TRMT11: variants seen among roughly 807,000 people sequenced by gnomAD.
TRMT11 encodes tRNA methyltransferase 11.
Under a neutral mutation model 62.8 loss-of-function variants are expected in TRMT11, and 53 were observed. The ratio of observed to expected loss-of-function variants is 0.84; its 90% CI spans 0.68 to 1.06. TRMT11 has a LOEUF of 1.06. Ranked by LOEUF, TRMT11 falls within the 50% of genes least tolerant of loss-of-function variation. TRMT11 has a pLI of 0.00. For missense variants in TRMT11, 556 were observed against 553.4 expected, an observed-to-expected ratio of 1.00 and a Z score of -0.05; for synonymous variants, 188 against 190.3, an observed-to-expected ratio of 0.99 and a Z score of 0.10.
At chr6:126,175,747 T>G (rs1403384838), upstream of TRMT11, among the ~76,000 whole-genome samples, 1 of 152,206 alleles carries the variant, frequency 6.6e-6, no homozygotes, top group Non-Finnish European at 1.5e-5. Context: ...CTTTATTCAG[T>G]TTAGTACTCT....
chr6:126,215,554 C>T, the TRMT11 span, among the ~76,000 whole-genome samples: 3 of 151,784 alleles, frequency 2.0e-5, no homozygotes, highest in Non-Finnish European at 4.4e-5. Context: ...TTTTTCCATA[C>T]CTTTATTGTC....
rs527772629 is a variant in TRMT11 at position 125,994,275 on chromosome 6, T to C, written c.138+453T>C. Among the ~76,000 whole-genome samples the C allele has an allele frequency of 1.3e-5, 2 of 152,246 alleles. 1 individual carries two copies. Among genetic ancestry groups the C allele is most frequent in the South Asian group, 4.1e-4 (2 of 4,826 alleles). On this transcript the variant is annotated intron_variant, in intron 2 of 12. Coordinates refer to ENST00000334379, the MANE Select transcript of TRMT11 (RefSeq NM_001031712.3). Reference sequence around the variant, plus strand: ...AGAAAAAATAATTTGCAGTTCCTTCTTGACGTGACTTATAATTTGGGGATG... The same window carrying C: ...AGAAAAAATAATTTGCAGTTCCTTCCTGACGTGACTTATAATTTGGGGATG...
intron 21 of TRMT11, among the ~76,000 whole-genome samples, chr6:126,151,970 C>CTTTCTTCCT (rs1562335037): frequency 5.8e-5 from 1 of 17,172 alleles, no homozygotes; most frequent in African/African-American, 2.3e-4. Flanking sequence ...TCTTTCTTTC[C>CTTTCTTCCT]TCTCTCTCTC....
chr6:126,261,767 A>AG, the TRMT11 span, among the ~76,000 whole-genome samples: 6 of 152,034 alleles, frequency 3.9e-5, no homozygotes, highest in African/African-American at 1.2e-4. Context: ...GTGTTGGTGT[A>AG]GTTTTGCTGT....
intron 5 of TRMT11, 102 bp downstream of exon 5, chr6:125,998,417 C>A (rs1253550053): frequency 2.4e-6 from 3 of 1,262,244 alleles, no homozygotes; most frequent in South Asian, 2.8e-5. Flanking sequence ...TATTTTGTAC[C>A]ACATTTTGTG....
intron 21 of TRMT11, among the ~76,000 whole-genome samples, chr6:126,150,517 CT>C (rs1236930864): frequency 6.6e-6 from 1 of 152,144 alleles, no homozygotes; most frequent in East Asian, 1.9e-4. Context: ...TCATTACTGG[CT>C]TTGTGGTGCC....
chr6:126,191,858 A>T (rs1301915856), intron 1 of TRMT11, among the ~76,000 whole-genome samples: 1 of 152,030 alleles, frequency 6.6e-6, no homozygotes, highest in Non-Finnish European at 1.5e-5. Context: ...TTTGTAATAT[A>T]ATTTGAAAAC....
intron 3 of TRMT11, among the ~76,000 whole-genome samples, chr6:126,201,495 C>T (rs1778734301): frequency 6.6e-6 from 1 of 152,176 alleles, no homozygotes; most frequent in Non-Finnish European, 1.5e-5. Context: ...ACAGATGTCC[C>T]TCCTGTGGAT....
At chr6:126,083,459 C>T (rs185553920) in intron 17 of TRMT11, among the ~76,000 whole-genome samples, 105 of 152,166 alleles carry the variant, frequency 6.9e-4, no homozygotes, top group African/African-American at 2.4e-3. Context: ...TTTCAGCAAA[C>T]TTTCATTATT....
intron 6 of TRMT11, 21 bp downstream of exon 6, chr6:125,998,705 C>T: frequency 1.9e-6 from 3 of 1,603,338 alleles, no homozygotes; most frequent in South Asian, 1.1e-5. Context: ...TTTCTTTCTA[C>T]CTATGTCAGT....
chr6:126,019,314 T>C (rs1795462403), intron 11 of TRMT11, among the ~76,000 whole-genome samples: 1 of 152,230 alleles, frequency 6.6e-6, no homozygotes, highest in Non-Finnish European at 1.5e-5. Context: ...AAAGATAATA[T>C]GAAACATGCA....
At chr6:126,256,582 C>G in the TRMT11 span, among the ~76,000 whole-genome samples, 1 of 152,148 alleles carries the variant, frequency 6.6e-6, no homozygotes, top group Non-Finnish European at 1.5e-5. Flanking sequence ...TTATTTGCAT[C>G]TCAAATCCAC....
intron 2 of TRMT11, among the ~76,000 whole-genome samples, chr6:125,995,418 A>C (rs553992383): frequency 2.0e-5 from 3 of 152,262 alleles, no homozygotes; most frequent in Admixed American, 6.5e-5. Flanking sequence ...GGATTGGGAA[A>C]ACACCCCTGA....
chr6:126,196,530 A>T (rs1778668187), intron 1 of TRMT11, among the ~76,000 whole-genome samples: 1 of 151,944 alleles, frequency 6.6e-6, no homozygotes, highest in African/African-American at 2.4e-5. Flanking sequence ...AGTTTGACTA[A>T]TTCTTTAATA....
chr6:126,245,315 T>C, the TRMT11 span, among the ~76,000 whole-genome samples: 1 of 152,248 alleles, frequency 6.6e-6, no homozygotes, highest in Non-Finnish European at 1.5e-5. Flanking sequence ...TTTATGCATA[T>C]ACATATGCAT....
chr6:126,226,466 C>A, the TRMT11 span, among the ~76,000 whole-genome samples: 15 of 152,028 alleles, frequency 9.9e-5, no homozygotes, highest in Non-Finnish European at 1.8e-4. Context: ...ATATTATCTG[C>A]TCACAATCTT....
At chr6:126,196,099 C>CT (rs1183624565) in intron 1 of TRMT11, among the ~76,000 whole-genome samples, 2 of 152,130 alleles carry the variant, frequency 1.3e-5, no homozygotes, top group Admixed American at 6.5e-5. Context: ...AGATAAAATA[C>CT]TTTGTTATTT....
the TRMT11 span, among the ~76,000 whole-genome samples, chr6:126,236,163 A>G: frequency 2.0e-5 from 3 of 152,214 alleles, no homozygotes; most frequent in South Asian, 2.1e-4. Context: ...TAAGTATTTG[A>G]CATTGTATAG....
Position 126,133,475 on chromosome 6 carries a change from C to T in TRMT11, c.*1823+17620C>T, listed in dbSNP as rs148083543. On this transcript the variant is annotated intron_variant and NMD_transcript_variant, in intron 21 of 22. Transcript: ENST00000648977. ...CAGTCTTTTCATGGAATTATGCCTGCTATGCCCATAAAAGTTCCTTCTGCT... is the reference window on the plus strand; with the variant it reads ...CAGTCTTTTCATGGAATTATGCCTGTTATGCCCATAAAAGTTCCTTCTGCT... 3.3e-4 allele frequency among the ~76,000 whole-genome samples: 50 copies of T among 152,104 alleles called. 1 individual carries two copies. The highest frequency in any genetic ancestry group is 1.2e-3 in the African/African-American group (48 of 41,548).
Sources: allele counts gnomAD v4.1 joint callset (sites outside exome capture counted in the v4.1 genomes callset), GRCh38; gene constraint gnomAD v4.1.1; transcripts MANE v1.5; gene names NCBI Gene and HGNC (gene_info 2026-07-23, HGNC 2026-07-21).